The following LRRK1 variants were observed in gnomAD, a reference collection of about 807,000 sequenced individuals.
LRRK1 encodes leucine-rich repeat serine/threonine-protein kinase 1.
LRRK1 carries 113 observed loss-of-function variants against 209.1 expected under a neutral mutation model. That is an observed-to-expected ratio of 0.54 (90% CI 0.46 to 0.63). The LOEUF is 0.63. Ranked by LOEUF, LRRK1 falls within the 30% of genes least tolerant of loss-of-function variation. The pLI is 0.00. For missense variants in LRRK1, 2,284 were observed against 2,632.2 expected (o/e 0.87, Z 2.89); for synonymous variants, 1,144 against 1,099.7 (o/e 1.04, Z -0.80).
At chr15:100,988,596 C>T (rs747404933) in intron 4 of LRRK1, 38 bp from the exon 5 acceptor site, 6 of 1,605,472 alleles carry the variant, frequency 3.7e-6, no homozygotes, top group Non-Finnish European at 5.1e-6. Context: ...CAGCACCCTT[C>T]AGTGGCACTT....
At chr15:101,060,332 C>CTGTT (rs372455807) in intron 29 of LRRK1, among the ~76,000 whole-genome samples, 172 of 152,248 alleles carry the variant, frequency 1.1e-3, no homozygotes, top group Non-Finnish European at 1.7e-3. Context: ...ATATTTTTAA[C>CTGTT]TGTTTGTTTT....
rs949336686 is a variant in LRRK1 at position 100,957,143 on chromosome 15, T to C, written c.98-16661T>C. On this transcript the variant is annotated intron_variant, in intron 2 of 33. Transcript: ENST00000388948. ...ATTGACTTCTAGTTTTACACCATTA[T>C]GATAAGAAAAGAAACTTGATAATAT... is the stretch of plus-strand genomic sequence containing the variant. Among the ~76,000 whole-genome samples, 3 of 152,224 alleles carry C rather than the reference T, an allele frequency of 2.0e-5. No individual in the cohort carries two copies. The East Asian group carries it at 5.8e-4, about 29-fold the overall frequency.
At chr15:100,984,241 C>A (rs1259128188) in intron 4 of LRRK1, among the ~76,000 whole-genome samples, 18 of 152,338 alleles carry the variant, frequency 1.2e-4, no homozygotes, top group Non-Finnish European at 5.9e-5. Flanking sequence ...GCGCCCTCCA[C>A]ATGGTTTTCC....
At position 101,027,187 on chromosome 15, in the gene LRRK1, CAG is replaced by C. The variant is rs1334272487; in HGVS notation, c.2406-73_2406-72del. The C allele has an allele frequency of 1.3e-6, 2 of 1,581,822 alleles. No homozygotes were observed. Among genetic ancestry groups the C allele is most frequent in the African/African-American group, 1.3e-5 (1 of 74,102 alleles). On this transcript the variant is annotated intron_variant, in intron 17 of 33. Coordinates refer to ENST00000388948, the MANE Select transcript of LRRK1 (RefSeq NM_024652.6). The surrounding 1 kb of genome is among the most constrained non-coding windows in gnomAD (Gnocchi z 5.1). ...TTGCCAGCGTTCAGGACAAACCTCT[CAG>C]GGAAACAGAGAAGCAGCAGCGCTTC...
chr15:101,053,349 A>AC lies in LRRK1; in HGVS notation c.3986dup (p.Leu1330AlafsTer57), dbSNP rs758130681. The AC allele has an allele frequency of 2.5e-6, 4 of 1,602,954 alleles. No individual in the cohort carries two copies. In the South Asian group the frequency reaches 4.4e-5, roughly 18 times the overall value. On this transcript the variant is annotated frameshift_variant, in exon 26 of 34. Transcript: ENST00000388948. LOFTEE classifies it high-confidence loss of function. ...GTGGCGCTCATCGGCATCAGCATCC[A>AC]CCCGCTCTGCTTCGCCCTGGAGCTC...
chr15:100,991,427 G>T (rs1327574832), intron 6 of LRRK1, among the ~76,000 whole-genome samples: 1 of 151,904 alleles, frequency 6.6e-6, no homozygotes, highest in East Asian at 1.9e-4. Context: ...TCCTGGACCT[G>T]TCTTGTCTGT....
chr15:100,994,311 T>C (rs2032300498), intron 6 of LRRK1, among the ~76,000 whole-genome samples: 1 of 152,234 alleles, frequency 6.6e-6, no homozygotes, highest in African/African-American at 2.4e-5. Flanking sequence ...TCTCTGCACA[T>C]CATAATCCCT....
At chr15:100,921,987 G>T (rs2042029227) in intron 1 of LRRK1, among the ~76,000 whole-genome samples, 1 of 152,044 alleles carries the variant, frequency 6.6e-6, no homozygotes, top group East Asian at 1.9e-4. Flanking sequence ...CAAAGAGCTG[G>T]GATTACAAGC....
At chr15:101,007,700 A>G (rs1208188609) in intron 6 of LRRK1, among the ~76,000 whole-genome samples, 1 of 152,104 alleles carries the variant, frequency 6.6e-6, no homozygotes, top group Admixed American at 6.5e-5. Flanking sequence ...GCCTCGCTGC[A>G]GGCTGGGCAT....
chr15:101,031,525 A>T lies in LRRK1; in HGVS notation c.2963+2293A>T, dbSNP rs567802036. On this transcript the variant is annotated intron_variant, in intron 20 of 33. Coordinates refer to ENST00000388948, the MANE Select transcript of LRRK1 (RefSeq NM_024652.6). ...CACTCAGCTCTTGATAGGCATTTGG[A>T]TGGTTTCCAACTTTGGGCTATGATG... Among the ~76,000 whole-genome samples, 23 of 152,274 alleles carry T rather than the reference A, an allele frequency of 1.5e-4. No homozygotes were observed. The South Asian group carries it at 4.8e-3, about 32-fold the overall frequency.
At chr15:100,973,756 G>C (rs2031107555) in intron 2 of LRRK1, 48 bp from the exon 3 acceptor site, 3 of 1,256,690 alleles carry the variant, frequency 2.4e-6, no homozygotes, top group Admixed American at 8.4e-5. Context: ...TCAAGAGCAC[G>C]CGGGCAGTGG....
rs141579296 is a variant in LRRK1 at position 101,025,983 on chromosome 15, G to A, written c.2251G>A (p.Val751Met). The A allele has an allele frequency of 2.1e-4, 335 of 1,614,236 alleles. 2 individuals carry two copies. The highest frequency in any genetic ancestry group is 1.0e-3 in the Admixed American group (60 of 60,030). ...LNIEAKAPNAVVLVVGTHLDL... is the reference protein window; with the variant it reads ...LNIEAKAPNAMVLVVGTHLDL... Reference sequence around the variant, plus strand: ...GTTGCAGGCCAAGGCCCCAAACGCCGTGGTGCTGGTGGTCGGGACGCACCT... The same window carrying A: ...GTTGCAGGCCAAGGCCCCAAACGCCATGGTGCTGGTGGTCGGGACGCACCT... Residue 751 changes from valine to methionine, a missense_variant, in exon 17 of 34, where the codon GTG (valine) becomes ATG (methionine). Val to Met is a conservative substitution (Grantham distance 21). Around this residue, in one of 6 missense-constraint regions of LRRK1, gnomAD observed 780 missense variants for 985.2 expected, o/e 0.79. Coordinates refer to ENST00000388948, the MANE Select transcript of LRRK1 (RefSeq NM_024652.6).
chr15:100,959,341 C>T (rs1207209952), intron 2 of LRRK1, among the ~76,000 whole-genome samples: 2 of 152,198 alleles, frequency 1.3e-5, no homozygotes, highest in Non-Finnish European at 2.9e-5. Context: ...CAGCCCTGGG[C>T]AGAGCAGGAG....
chr15:100,988,493 G>A (rs755031649), intron 4 of LRRK1, 141 bp from the exon 5 acceptor site: 31 of 771,404 alleles, frequency 4.0e-5, no homozygotes, highest in Non-Finnish European at 6.5e-5. Context: ...CTTTTTTATG[G>A]CTGTATAGTA....
chr15:101,043,287 A>G (rs1402947202), intron 20 of LRRK1, among the ~76,000 whole-genome samples: 1 of 152,090 alleles, frequency 6.6e-6, no homozygotes, highest in Non-Finnish European at 1.5e-5. Context: ...CTGAGGCCCC[A>G]CCCACCTCCC....
intron 20 of LRRK1, among the ~76,000 whole-genome samples, chr15:101,040,686 A>G (rs2034707972): frequency 6.6e-6 from 1 of 152,234 alleles, no homozygotes; most frequent in African/African-American, 2.4e-5. Flanking sequence ...TTATATGACA[A>G]ATACAACTAA....
chr15:100,947,234 G>C (rs2042558205), intron 2 of LRRK1, among the ~76,000 whole-genome samples: 1 of 152,152 alleles, frequency 6.6e-6, no homozygotes, highest in African/African-American at 2.4e-5. Flanking sequence ...TGGGATTACA[G>C]GTGTGAGCCA....
chr15:100,920,896 C>T (rs951227587), intron 1 of LRRK1, among the ~76,000 whole-genome samples: 15 of 152,166 alleles, frequency 9.9e-5, no homozygotes, highest in Non-Finnish European at 7.3e-5. Flanking sequence ...TCTGCTGTCT[C>T]GGACCACCAG....
rs1364988969 is a variant in LRRK1 at position 100,924,598 on chromosome 15, G to T, written c.-35G>T. ...GCGGCAGTGGCAGTGACAACAGCGG[G>T]ACCTGCCTTTGAAGATCGGCTGCTG... On this transcript the variant is annotated 5_prime_UTR_variant, in exon 2 of 34. Transcript: ENST00000388948. 1 of 1,598,318 alleles carries T rather than the reference G, an allele frequency of 6.3e-7. No individual in the cohort carries two copies. The highest frequency in any genetic ancestry group is 1.7e-5 in the Admixed American group (1 of 60,002).
Sources: allele counts gnomAD v4.1 joint callset (sites outside exome capture counted in the v4.1 genomes callset), GRCh38; gene constraint gnomAD v4.1.1; regional missense constraint gnomAD v4.1.1; non-coding constraint Gnocchi (gnomAD v3.1); transcripts MANE v1.5; gene names NCBI Gene and HGNC (gene_info 2026-07-23, HGNC 2026-07-21).